Variants in CAST observed in about 807,000 individuals in gnomAD.
The protein encoded by CAST is calpastatin.
Under a neutral mutation model 119.6 loss-of-function variants are expected in CAST, and 76 were observed. The observed-to-expected ratio is 0.64, with a 90% confidence interval of 0.53 to 0.77. The LOEUF is 0.77. CAST is among the 30% of genes least tolerant of loss of function. The pLI, the probability that CAST is intolerant of heterozygous loss-of-function variation, is 0.00. For missense variants in CAST, 953 were observed against 946.5 expected, an observed-to-expected ratio of 1.01 and a Z score of -0.09; for synonymous variants, 319 against 331.6, an observed-to-expected ratio of 0.96 and a Z score of 0.41.
At chr5:96,191,396 A>G in the CAST span, among the ~76,000 whole-genome samples, 3 of 152,234 alleles carry the variant, frequency 2.0e-5, no homozygotes, top group Non-Finnish European at 2.9e-5. Context: ...CAATAACAGT[A>G]AAAGGAAAGT....
At chr5:96,020,293 G>C in the CAST span, among the ~76,000 whole-genome samples, 1 of 152,156 alleles carries the variant, frequency 6.6e-6, no homozygotes, top group Non-Finnish European at 1.5e-5. Context: ...ATGGCTCTGA[G>C]AGCAAAGCAG....
chr5:96,287,187 C>T, the CAST span, among the ~76,000 whole-genome samples: 46 of 152,146 alleles, frequency 3.0e-4, no homozygotes, highest in African/African-American at 1.0e-3. Context: ...AATGAAACTA[C>T]GCTACCCAAT....
At chr5:96,633,948 CA>C (rs961565391) in intron 1 of CAST, among the ~76,000 whole-genome samples, 2 of 152,178 alleles carry the variant, frequency 1.3e-5, no homozygotes, top group African/African-American at 4.8e-5. Flanking sequence ...ATTTTCCAGC[CA>C]ATTAGAACAA....
At chr5:96,322,081 A>G in the CAST span, among the ~76,000 whole-genome samples, 6 of 152,336 alleles carry the variant, frequency 3.9e-5, no homozygotes, top group South Asian at 1.2e-3. Flanking sequence ...GGGGCCTGAA[A>G]GAATGGGTTC....
chr5:96,423,724 CT>C, the CAST span, among the ~76,000 whole-genome samples: 1 of 152,188 alleles, frequency 6.6e-6, no homozygotes, highest in Non-Finnish European at 1.5e-5. Flanking sequence ...AACTACATGG[CT>C]TTGAAGAATT....
At chr5:96,157,349 AG>A in the CAST span, among the ~76,000 whole-genome samples, 1 of 152,384 alleles carries the variant, frequency 6.6e-6, no homozygotes, top group East Asian at 1.9e-4. Context: ...TTTGGATAAT[AG>A]GATTTAATTT....
the CAST span, among the ~76,000 whole-genome samples, chr5:96,388,530 C>T: frequency 2.6e-5 from 4 of 152,120 alleles, no homozygotes; most frequent in African/African-American, 7.2e-5. Context: ...CATTAATATT[C>T]CATTGGCCAA....
chr5:96,336,376 G>A, the CAST span, among the ~76,000 whole-genome samples: 3 of 152,198 alleles, frequency 2.0e-5, no homozygotes, highest in Middle Eastern at 0.01. Flanking sequence ...AGGGAGAGAG[G>A]GAAAAAGAGA....
At chr5:96,204,962 A>T in the CAST span, among the ~76,000 whole-genome samples, 1 of 152,058 alleles carries the variant, frequency 6.6e-6, no homozygotes, top group East Asian at 1.9e-4. Context: ...TTTCTTTTTT[A>T]CATTTCCTTT....
At chr5:96,156,745 AACTTATT>A in the CAST span, among the ~76,000 whole-genome samples, 1 of 152,158 alleles carries the variant, frequency 6.6e-6, no homozygotes, top group African/African-American at 2.4e-5. Flanking sequence ...TAGATAAATA[AACTTATT>A]ACCCACCATT....
the CAST span, among the ~76,000 whole-genome samples, chr5:96,494,057 A>AAC: frequency 6.6e-6 from 1 of 151,852 alleles, no homozygotes; most frequent in Non-Finnish European, 1.5e-5. Flanking sequence ...AACTAACTAA[A>AAC]TAAATAAATA....
the CAST span, among the ~76,000 whole-genome samples, chr5:96,365,908 G>C: frequency 6.6e-6 from 1 of 152,184 alleles, no homozygotes; most frequent in African/African-American, 2.4e-5. Context: ...AGTTGATGCA[G>C]TTTCTTCCTA....
chr5:96,591,593 G>T (rs1746963010), intron 1 of CAST, among the ~76,000 whole-genome samples: 1 of 152,194 alleles, frequency 6.6e-6, no homozygotes, highest in Admixed American at 6.5e-5. Flanking sequence ...GCCTCTGGTT[G>T]TTTACAGAAC....
intron 1 of CAST, among the ~76,000 whole-genome samples, chr5:96,635,775 C>G (rs1352965446): frequency 6.6e-6 from 1 of 152,204 alleles, no homozygotes; most frequent in Non-Finnish European, 1.5e-5. Flanking sequence ...TTAAATGACT[C>G]TCATCTGTGC....
the CAST span, among the ~76,000 whole-genome samples, chr5:96,450,860 A>T: frequency 6.6e-6 from 1 of 152,206 alleles, no homozygotes; most frequent in Non-Finnish European, 1.5e-5. Context: ...CATTTAGGGT[A>T]TCTTTCAATC....
the CAST span, among the ~76,000 whole-genome samples, chr5:96,189,006 A>G: frequency 6.6e-6 from 1 of 152,174 alleles, no homozygotes. Flanking sequence ...TCTTCACTCT[A>G]TCACTGAAAT....
At chr5:96,336,621 T>C in the CAST span, among the ~76,000 whole-genome samples, 6 of 152,182 alleles carry the variant, frequency 3.9e-5, no homozygotes, top group African/African-American at 1.4e-4. Context: ...AAACCCACAG[T>C]GTTAAGGCAT....
At chr5:96,430,332 A>G in the CAST span, among the ~76,000 whole-genome samples, 1 of 152,254 alleles carries the variant, frequency 6.6e-6, no homozygotes, top group Non-Finnish European at 1.5e-5. Context: ...AGAAACAAAC[A>G]GTTGACAACA....
At chr5:96,495,788 C>T in the CAST span, among the ~76,000 whole-genome samples, 1 of 151,998 alleles carries the variant, frequency 6.6e-6, no homozygotes, top group African/African-American at 2.4e-5. Context: ...TTTGTATTCA[C>T]AAAAATTATT....
Sources: gnomAD v4.1 joint callset for allele counts (sites outside exome capture counted in the v4.1 genomes callset) on GRCh38, gnomAD v4.1.1 for gene constraint, MANE v1.5 for transcripts, NCBI Gene and HGNC (gene_info 2026-07-23, HGNC 2026-07-21) for gene names.